Variants in MTHFD2L observed in about 807,000 individuals in gnomAD.
MTHFD2L encodes the protein bifunctional methylenetetrahydrofolate dehydrogenase/cyclohydrolase 2, mitochondrial.
A neutral mutation model predicts 34.9 loss-of-function variants in MTHFD2L; 29 were observed. That is an observed-to-expected ratio of 0.83 (90% confidence interval 0.62 to 1.13). MTHFD2L has a LOEUF of 1.13. MTHFD2L is among the 50% of genes most tolerant of loss of function. MTHFD2L has a pLI of 0.00. For missense variants in MTHFD2L, 481 were observed against 446.5 expected, an observed-to-expected ratio of 1.08 and a Z score of -0.70; for synonymous variants, 167 against 155.7, an observed-to-expected ratio of 1.07 and a Z score of -0.54.
At chr4:74,128,048 A>G (rs1313172213) in intron 1 of MTHFD2L, among the ~76,000 whole-genome samples, 1 of 151,996 alleles carries the variant, frequency 6.6e-6, no homozygotes, top group African/African-American at 2.4e-5. Flanking sequence ...GTATGCCTTC[A>G]TTTGAGAAAT....
chr4:74,275,224 G>T (rs1254022785), intron 6 of MTHFD2L, among the ~76,000 whole-genome samples: 1 of 152,114 alleles, frequency 6.6e-6, no homozygotes, highest in Non-Finnish European at 1.5e-5. Context: ...GTGCTAGTTT[G>T]CTGAGGATAA....
At position 74,205,036 on chromosome 4, in the gene MTHFD2L, C is replaced by T. The variant is rs552842136; in HGVS notation, c.712+3666C>T. Among the ~76,000 whole-genome samples, 4 of 152,192 alleles carry T rather than the reference C, an allele frequency of 2.6e-5. No homozygotes were observed. In the South Asian group the frequency reaches 6.2e-4, roughly 24 times the overall value. Reference sequence around the variant, plus strand: ...GTTACTTAGAAACCAGATAATTAAACTTACCTTTATTATAGTGGTACCTGG... The same window carrying T: ...GTTACTTAGAAACCAGATAATTAAATTTACCTTTATTATAGTGGTACCTGG... On this transcript the variant is annotated intron_variant, in intron 5 of 7. Transcript: ENST00000325278.
At chr4:74,176,900 G>A (rs1729157520) in intron 3 of MTHFD2L, among the ~76,000 whole-genome samples, 1 of 151,754 alleles carries the variant, frequency 6.6e-6, no homozygotes. Flanking sequence ...ATCTTTATGT[G>A]GTATTAATAT....
intron 3 of MTHFD2L, chr4:74,194,956 A>G (rs752415949): frequency 2.6e-5 from 4 of 152,204 alleles, no homozygotes; most frequent in East Asian, 1.9e-4. Flanking sequence ...TCATTGCTCA[A>G]TTAAACATCT....
intron 6 of MTHFD2L, chr4:74,268,050 A>G (rs1187872386): frequency 4.1e-6 from 4 of 985,114 alleles, no homozygotes; most frequent in Non-Finnish European, 4.8e-6. Context: ...TCAGATAGGA[A>G]CCAAAGAAGC....
intron 2 of MTHFD2L, among the ~76,000 whole-genome samples, chr4:74,116,127 C>T (rs2109762655): frequency 6.6e-6 from 1 of 152,248 alleles, no homozygotes; most frequent in South Asian, 2.1e-4. Flanking sequence ...GCATTTCAAC[C>T]TTGTCTCTTC....
At chr4:74,121,957 G>A (rs1170393499), upstream of MTHFD2L, among the ~76,000 whole-genome samples, 1 of 151,944 alleles carries the variant, frequency 6.6e-6, no homozygotes, top group African/African-American at 2.4e-5. Flanking sequence ...TATCAAACCT[G>A]TTGAAACCTT....
chr4:74,176,741 G>A (rs751109649), intron 3 of MTHFD2L, among the ~76,000 whole-genome samples: 1 of 151,916 alleles, frequency 6.6e-6, no homozygotes, highest in Non-Finnish European at 1.5e-5. Flanking sequence ...CTGAATTGTT[G>A]TTCTGAAATT....
chr4:74,255,453 C>G (rs1159253263), intron 6 of MTHFD2L, among the ~76,000 whole-genome samples: 1 of 151,996 alleles, frequency 6.6e-6, no homozygotes, highest in East Asian at 1.9e-4. Context: ...AACTAGAAAA[C>G]AGTAAGAAAA....
chr4:74,239,764 A>G (rs906075736), intron 6 of MTHFD2L, among the ~76,000 whole-genome samples: 4 of 152,220 alleles, frequency 2.6e-5, no homozygotes, highest in African/African-American at 9.6e-5. Context: ...AATCAATATA[A>G]GAATCAGATA....
intron 7 of MTHFD2L, among the ~76,000 whole-genome samples, chr4:74,284,755 G>C (rs1747941810): frequency 6.6e-6 from 1 of 152,040 alleles, no homozygotes; most frequent in South Asian, 2.1e-4. Flanking sequence ...CTGTAAACTA[G>C]TTCAACCATT....
intron 1 of MTHFD2L, among the ~76,000 whole-genome samples, chr4:74,126,560 T>G (rs1560400736): frequency 6.6e-6 from 1 of 150,986 alleles, no homozygotes; most frequent in Non-Finnish European, 1.5e-5. Context: ...TTTTCTCTGG[T>G]GTGTGTGTGT....
intron 6 of MTHFD2L, among the ~76,000 whole-genome samples, chr4:74,239,990 A>G (rs1259530114): frequency 6.6e-6 from 1 of 152,298 alleles, no homozygotes; most frequent in Non-Finnish European, 1.5e-5. Flanking sequence ...AATGTGGTGC[A>G]CCATATCAAA....
intron 7 of MTHFD2L, among the ~76,000 whole-genome samples, chr4:74,294,671 T>A (rs1170918555): frequency 6.6e-6 from 1 of 152,128 alleles, no homozygotes; most frequent in Non-Finnish European, 1.5e-5. Flanking sequence ...GTTTCTTCCA[T>A]CATCTCTATC....
intron 1 of MTHFD2L, among the ~76,000 whole-genome samples, chr4:74,164,425 G>A (rs544015924): frequency 4.6e-5 from 7 of 152,260 alleles, no homozygotes; most frequent in East Asian, 1.9e-4. Flanking sequence ...TCTAATAAGC[G>A]TAGATAAGGT....
chr4:74,159,350 C>T (rs1724907174), intron 1 of MTHFD2L, among the ~76,000 whole-genome samples: 1 of 152,190 alleles, frequency 6.6e-6, no homozygotes, highest in Non-Finnish European at 1.5e-5. Context: ...TAGTTTGGAA[C>T]TACCAGCTAG....
At chr4:74,158,444 C>G (rs1724664325) in intron 1 of MTHFD2L, 163 bp downstream of exon 1, 1 of 380,782 alleles carries the variant, frequency 2.6e-6, no homozygotes, top group Non-Finnish European at 3.7e-6. Flanking sequence ...GCCGGTCGCG[C>G]GGGCGAGTCG....
intron 4 of MTHFD2L, among the ~76,000 whole-genome samples, chr4:74,200,866 C>T (rs1734295563): frequency 6.6e-6 from 1 of 150,472 alleles, no homozygotes; most frequent in Non-Finnish European, 1.5e-5. Context: ...GTGAAAAATG[C>T]CTCTTTTCTT....
At chr4:74,294,452 C>CT (rs1380664175) in intron 7 of MTHFD2L, among the ~76,000 whole-genome samples, 2 of 152,064 alleles carry the variant, frequency 1.3e-5, no homozygotes, top group Non-Finnish European at 2.9e-5. Flanking sequence ...AACACACCAG[C>CT]TGGAGACACC....
Sources: allele counts gnomAD v4.1 joint callset (sites outside exome capture counted in the v4.1 genomes callset), GRCh38; gene constraint gnomAD v4.1.1; transcripts MANE v1.5; gene names NCBI Gene and HGNC (gene_info 2026-07-23, HGNC 2026-07-21).